The following GPC6 variants were observed in gnomAD, a reference collection of about 807,000 sequenced individuals.
GPC6 encodes the protein glypican 6.
GPC6 carries 14 observed loss-of-function variants against 55.2 expected under a neutral mutation model. That is an observed-to-expected ratio of 0.25 (90% CI 0.17 to 0.40). The LOEUF is 0.40. GPC6 is among the 10% of genes least tolerant of loss of function. The pLI, the probability that GPC6 is intolerant of heterozygous loss-of-function variation, is 1.00. For synonymous variants in GPC6, 278 were observed against 259.6 expected, an observed-to-expected ratio of 1.07 and a Z score of -0.68; for missense variants, 641 against 708.5, an observed-to-expected ratio of 0.90 and a Z score of 1.08.
chr13:93,378,514 A>G (rs1169574353), intron 1 of GPC6, among the ~76,000 whole-genome samples: 4 of 152,096 alleles, frequency 2.6e-5, no homozygotes, highest in Non-Finnish European at 5.9e-5. Context: ...CACTTTGTAC[A>G]TGGTGATATT....
intron 1 of GPC6, among the ~76,000 whole-genome samples, chr13:93,242,797 C>T (rs1273363932): frequency 6.6e-6 from 1 of 152,104 alleles, no homozygotes; most frequent in African/African-American, 2.4e-5. Flanking sequence ...TCCCCCTTTC[C>T]CTAGGTATGA....
intron 3 of GPC6, among the ~76,000 whole-genome samples, chr13:93,857,633 A>T (rs1442630537): frequency 1.3e-5 from 2 of 151,570 alleles, no homozygotes; most frequent in African/African-American, 2.4e-5. Context: ...AAATATTGGG[A>T]ATATCATATG....
intron 4 of GPC6, among the ~76,000 whole-genome samples, chr13:94,116,750 G>C (rs1158347352): frequency 6.6e-6 from 1 of 152,012 alleles, no homozygotes. Flanking sequence ...ATGATTCTGT[G>C]GCTACAGTTG....
intron 1 of GPC6, among the ~76,000 whole-genome samples, chr13:93,476,696 C>CT (rs1252466474): frequency 2.0e-5 from 3 of 152,148 alleles, no homozygotes; most frequent in Non-Finnish European, 4.4e-5. Flanking sequence ...ATGTTGGTTA[C>CT]TGCCTTTGCT....
At chr13:94,346,912 A>T (rs923926352) in intron 6 of GPC6, among the ~76,000 whole-genome samples, 1 of 152,116 alleles carries the variant, frequency 6.6e-6, no homozygotes, top group Non-Finnish European at 1.5e-5. Flanking sequence ...AGATGACTGT[A>T]AGCTTTGTCT....
At chr13:93,606,137 A>G (rs990293832) in intron 2 of GPC6, among the ~76,000 whole-genome samples, 4 of 152,170 alleles carry the variant, frequency 2.6e-5, no homozygotes, top group Non-Finnish European at 5.9e-5. Flanking sequence ...GTACTTGTCA[A>G]GTCAAATTTA....
intron 2 of GPC6, among the ~76,000 whole-genome samples, chr13:93,719,539 T>C (rs959292816): frequency 3.9e-5 from 6 of 152,048 alleles, no homozygotes; most frequent in African/African-American, 1.4e-4. Flanking sequence ...ACAGAGATAA[T>C]TTGAGTTCCT....
intron 2 of GPC6, among the ~76,000 whole-genome samples, chr13:93,773,292 C>T (rs568396088): frequency 4.5e-4 from 68 of 151,984 alleles, no homozygotes; most frequent in Non-Finnish European, 8.1e-4. Context: ...AACAACTTTA[C>T]GTATAAATTA....
intron 1 of GPC6, among the ~76,000 whole-genome samples, chr13:93,534,571 C>T (rs565280726): frequency 3.3e-5 from 5 of 152,302 alleles, no homozygotes; most frequent in African/African-American, 1.2e-4. Context: ...TGGCCATTTT[C>T]AGGCTCAAGG....
intron 2 of GPC6, among the ~76,000 whole-genome samples, chr13:93,755,727 C>T (rs1275929636): frequency 6.6e-6 from 1 of 152,152 alleles, no homozygotes; most frequent in Non-Finnish European, 1.5e-5. Context: ...TCTGTTCTTC[C>T]ATAAGTTGAG....
intron 1 of GPC6, among the ~76,000 whole-genome samples, chr13:93,230,022 T>C (rs1011856860): frequency 6.6e-6 from 1 of 152,184 alleles, no homozygotes; most frequent in Admixed American, 6.5e-5. Flanking sequence ...TGTTTACATT[T>C]AATTATCTAG....
intron 1 of GPC6, among the ~76,000 whole-genome samples, chr13:93,244,050 GC>G: frequency 6.6e-6 from 1 of 152,208 alleles, no homozygotes; most frequent in African/African-American, 2.4e-5. Flanking sequence ...GCAGTCCCGT[GC>G]TTTGGCTCCC....
At chr13:93,743,289 G>A (rs193023676) in intron 2 of GPC6, among the ~76,000 whole-genome samples, 2 of 152,200 alleles carry the variant, frequency 1.3e-5, no homozygotes, top group Admixed American at 6.5e-5. Flanking sequence ...GTGTCTGAAA[G>A]ACCTAAGCTT....
intron 1 of GPC6, among the ~76,000 whole-genome samples, chr13:93,339,630 A>G (rs1001541363): frequency 6.6e-6 from 1 of 152,214 alleles, no homozygotes. Flanking sequence ...ATTTTAGTGC[A>G]TGTAAGATTG....
intron 3 of GPC6, among the ~76,000 whole-genome samples, chr13:93,882,136 GT>G (rs1875024949): frequency 8.8e-6 from 1 of 113,658 alleles, no homozygotes; most frequent in Non-Finnish European, 1.9e-5. Context: ...TTATATTTTT[GT>G]TTTTGTTTTA....
At chr13:94,400,606 T>C (rs1478040731) in intron 8 of GPC6, among the ~76,000 whole-genome samples, 1 of 152,144 alleles carries the variant, frequency 6.6e-6, no homozygotes, top group Non-Finnish European at 1.5e-5. Flanking sequence ...AAAAAGAAAC[T>C]GTGCTCATTC....
At chr13:93,542,779 T>C (rs897027706) in intron 1 of GPC6, among the ~76,000 whole-genome samples, 1 of 152,204 alleles carries the variant, frequency 6.6e-6, no homozygotes, top group African/African-American at 2.4e-5. Flanking sequence ...TTATTCTCTT[T>C]GAAGCAATTG....
intron 3 of GPC6, among the ~76,000 whole-genome samples, chr13:93,842,439 G>A (rs933209255): frequency 3.3e-5 from 5 of 152,104 alleles, no homozygotes; most frequent in East Asian, 3.8e-4. Flanking sequence ...GGCTAGGATG[G>A]AAGATAGAAT....
At chr13:93,433,970 A>T (rs1292831085) in intron 1 of GPC6, among the ~76,000 whole-genome samples, 5 of 152,136 alleles carry the variant, frequency 3.3e-5, no homozygotes, top group African/African-American at 1.2e-4. Context: ...CAGCTGTGTG[A>T]CCTTGGGCTA....
Sources: allele counts gnomAD v4.1 joint callset (sites outside exome capture counted in the v4.1 genomes callset), GRCh38; gene constraint gnomAD v4.1.1; transcripts MANE v1.5; gene names NCBI Gene and HGNC (gene_info 2026-07-23, HGNC 2026-07-21).